TTBK2: variants seen among roughly 807,000 people sequenced by gnomAD.
The protein encoded by TTBK2 is tau-tubulin kinase 2.
Under a neutral mutation model 110.8 loss-of-function variants are expected in TTBK2, and 28 were observed. The ratio of observed to expected loss-of-function variants is 0.25; its 90% confidence interval spans 0.19 to 0.35. The LOEUF (loss-of-function observed/expected upper bound fraction) is 0.35, where lower values mean the gene tolerates loss of function less well. TTBK2 is among the 10% of genes least tolerant of loss of function. The pLI is 1.00. For synonymous variants in TTBK2, 532 were observed against 527.3 expected (o/e 1.01, Z -0.12); for missense variants, 1,369 against 1,500.3 (o/e 0.91, Z 1.45).
intron 13 of TTBK2, among the ~76,000 whole-genome samples, chr15:42,771,855 C>T (rs1011035084): frequency 6.6e-6 from 1 of 152,062 alleles, no homozygotes; most frequent in Non-Finnish European, 1.5e-5. Flanking sequence ...GCACGAGGGA[C>T]GGAACACCAA....
intron 10 of TTBK2, 103 bp downstream of exon 10, chr15:42,794,541 A>C: frequency 6.6e-7 from 1 of 1,507,834 alleles, no homozygotes; most frequent in Non-Finnish European, 9.2e-7. Context: ...GCTTTCCCGG[A>C]TGTCTTAGCA....
intron 11 of TTBK2, among the ~76,000 whole-genome samples, chr15:42,781,532 A>C (rs1197420506): frequency 6.6e-6 from 1 of 152,198 alleles, no homozygotes; most frequent in Non-Finnish European, 1.5e-5. Context: ...TTTCTCTCTC[A>C]GTACTGCTTT....
At chr15:42,908,972 A>C (rs1203367142) in intron 1 of TTBK2, among the ~76,000 whole-genome samples, 1 of 152,236 alleles carries the variant, frequency 6.6e-6, no homozygotes, top group Non-Finnish European at 1.5e-5. Flanking sequence ...TGACAAATTT[A>C]GTGGCAAAAA....
intron 3 of TTBK2, among the ~76,000 whole-genome samples, chr15:42,865,220 T>C (rs1457135412): frequency 6.6e-6 from 1 of 151,992 alleles, no homozygotes; most frequent in East Asian, 1.9e-4. Flanking sequence ...GGTGGGTCAA[T>C]TGATGGAGGT....
intron 1 of TTBK2, among the ~76,000 whole-genome samples, chr15:42,881,499 T>C (rs767795002): frequency 6.6e-6 from 1 of 151,742 alleles, no homozygotes; most frequent in African/African-American, 2.4e-5. Flanking sequence ...GGAAAAATAT[T>C]CCAAAAAATA....
intron 3 of TTBK2, among the ~76,000 whole-genome samples, chr15:42,848,962 T>C (rs1228599874): frequency 6.6e-6 from 1 of 152,224 alleles, no homozygotes; most frequent in Admixed American, 6.5e-5. Context: ...GAAGTTTTTA[T>C]GATTCTTGGG....
intron 1 of TTBK2, among the ~76,000 whole-genome samples, chr15:42,891,502 A>C (rs1895454763): frequency 6.6e-6 from 1 of 151,806 alleles, no homozygotes; most frequent in Non-Finnish European, 1.5e-5. Flanking sequence ...AAACTCTGTA[A>C]ATCTTAAATT....
chr15:42,910,096 T>G (rs780449841), intron 1 of TTBK2, among the ~76,000 whole-genome samples: 3 of 152,198 alleles, frequency 2.0e-5, no homozygotes, highest in Non-Finnish European at 4.4e-5. Flanking sequence ...TAATTATTCC[T>G]TAAACTGCAC....
At chr15:42,807,562 C>A (rs1274816987) in intron 9 of TTBK2, among the ~76,000 whole-genome samples, 1 of 150,432 alleles carries the variant, frequency 6.6e-6, no homozygotes, top group Non-Finnish European at 1.5e-5. Flanking sequence ...GTGCATGCTA[C>A]CACACCTGGC....
At chr15:42,843,772 A>AT (rs1893337783) in intron 3 of TTBK2, among the ~76,000 whole-genome samples, 1 of 151,536 alleles carries the variant, frequency 6.6e-6, no homozygotes, top group South Asian at 2.1e-4. Context: ...AAAAAAAAAA[A>AT]AAAAAAAAAA....
intron 3 of TTBK2, among the ~76,000 whole-genome samples, chr15:42,849,256 T>C (rs1221180505): frequency 1.3e-5 from 2 of 152,218 alleles, no homozygotes; most frequent in African/African-American, 4.8e-5. Context: ...CATTCTGCTA[T>C]TGAGCCCATT....
intron 1 of TTBK2, among the ~76,000 whole-genome samples, chr15:42,895,465 A>G (rs1895627225): frequency 1.3e-5 from 2 of 152,158 alleles, no homozygotes; most frequent in Admixed American, 1.3e-4. Flanking sequence ...CCCATGGAAC[A>G]AATCTACACA....
At chr15:42,749,978 C>G (rs2061843672) in intron 14 of TTBK2, among the ~76,000 whole-genome samples, 1 of 152,060 alleles carries the variant, frequency 6.6e-6, no homozygotes, top group Non-Finnish European at 1.5e-5. Context: ...TCCAGATACT[C>G]AGGAGGCTGA....
At chr15:42,845,633 C>CAAAA (rs894783459) in intron 3 of TTBK2, among the ~76,000 whole-genome samples, 5 of 15,288 alleles carry the variant, frequency 3.3e-4, no homozygotes, top group Admixed American at 9.0e-4. Flanking sequence ...GGCTGCATCT[C>CAAAA]AAAAAAAAAA....
At chr15:42,814,324 A>ATT (rs1891851828) in intron 7 of TTBK2, among the ~76,000 whole-genome samples, 1 of 152,184 alleles carries the variant, frequency 6.6e-6, no homozygotes, top group Non-Finnish European at 1.5e-5. Context: ...CATGCATGTA[A>ATT]TCCCAGCACT....
chr15:42,803,826 T>A (rs1891327946), intron 9 of TTBK2, among the ~76,000 whole-genome samples: 1 of 151,432 alleles, frequency 6.6e-6, no homozygotes, highest in Admixed American at 6.6e-5. Context: ...AGGTCAGGAG[T>A]TCGAGACCTG....
intron 7 of TTBK2, among the ~76,000 whole-genome samples, chr15:42,813,883 A>C (rs1891831344): frequency 6.6e-6 from 1 of 152,168 alleles, no homozygotes; most frequent in African/African-American, 2.4e-5. Context: ...ACAACAATTA[A>C]ATAAAGTAAC....
chr15:42,873,347 T>C (rs903129256), intron 2 of TTBK2, among the ~76,000 whole-genome samples: 4 of 152,012 alleles, frequency 2.6e-5, no homozygotes, highest in Non-Finnish European at 5.9e-5. Flanking sequence ...GGCAGGAGAA[T>C]TGCTTGAACC....
chr15:42,843,633 C>A (rs771373880), intron 3 of TTBK2, among the ~76,000 whole-genome samples: 1 of 151,930 alleles, frequency 6.6e-6, no homozygotes, highest in Non-Finnish European at 1.5e-5. Flanking sequence ...GTAGCGCATG[C>A]CTGTAGTCCC....
Sources: allele counts gnomAD v4.1 joint callset (sites outside exome capture counted in the v4.1 genomes callset), GRCh38; gene constraint gnomAD v4.1.1; transcripts MANE v1.5; gene names NCBI Gene and HGNC (gene_info 2026-07-23, HGNC 2026-07-21).